The following NLRC5 variants were observed in gnomAD, a reference collection of about 807,000 sequenced individuals.
The protein encoded by NLRC5 is NLR family CARD domain containing 5.
In NLRC5, 114 loss-of-function variants were observed where a neutral mutation model predicts 206.9. The observed-to-expected ratio is 0.55, with a 90% CI of 0.47 to 0.64. The LOEUF (loss-of-function observed/expected upper bound fraction) is 0.64. NLRC5 is among the 30% of genes least tolerant of loss of function. NLRC5 has a pLI of 0.00. For synonymous variants in NLRC5, 952 were observed against 962.8 expected (o/e 0.99, Z 0.21); for missense variants, 2,008 against 2,305.5 (o/e 0.87, Z 2.64).
At chr16:57,046,452 C>A (rs2143964691) in intron 21 of NLRC5, 100 bp from the exon 22 acceptor site, 1 of 956,440 alleles carries the variant, frequency 1.0e-6, no homozygotes, top group Non-Finnish European at 1.6e-6. Flanking sequence ...GTGATCTGAA[C>A]TTTCCTTTCT....
intron 32 of NLRC5, chr16:57,062,610 G>T (rs139624147): frequency 6.4e-6 from 1 of 155,488 alleles, no homozygotes; most frequent in Non-Finnish European, 1.4e-5. Flanking sequence ...GAAACTGGAC[G>T]TTAGATCAAA....
chr16:56,993,349 G>T (rs2057198238), intron 1 of NLRC5, among the ~76,000 whole-genome samples: 1 of 151,594 alleles, frequency 6.6e-6, no homozygotes, highest in South Asian at 2.1e-4. Flanking sequence ...TTCACCGTAT[G>T]ACTGCTCTGT....
intron 46 of NLRC5, among the ~76,000 whole-genome samples, 157 bp downstream of exon 46, chr16:57,079,786 A>G (rs533330135): frequency 7.9e-5 from 12 of 152,192 alleles, no homozygotes; most frequent in Non-Finnish European, 1.3e-4. Context: ...TTACTCAGAC[A>G]TCCTCTCAAA....
intron 1 of NLRC5, among the ~76,000 whole-genome samples, chr16:56,998,131 A>G (rs2057840131): frequency 6.6e-6 from 1 of 151,140 alleles, no homozygotes; most frequent in Non-Finnish European, 1.5e-5. Context: ...AGCAGTTCAG[A>G]TGATCCAGTC....
chr16:57,013,317 A>C (rs1404920018), intron 1 of NLRC5: 1 of 594,448 alleles, frequency 1.7e-6, no homozygotes, highest in Non-Finnish European at 3.1e-6. Flanking sequence ...TGACGGTCAT[A>C]ATGACTAAAA....
At chr16:57,075,014 T>TC in intron 39 of NLRC5, among the ~76,000 whole-genome samples, 1 of 24,896 alleles carries the variant, frequency 4.0e-5, no homozygotes, top group Non-Finnish European at 7.7e-5. Context: ...GCTTTTTTTT[T>TC]TTTTTTTTTT....
rs1208424898 is a variant in NLRC5 at position 57,074,612 on chromosome 16, T to C, written c.4680T>C (p.Leu1560=). 6.2e-7 allele frequency: 1 copy of C among 1,613,948 alleles called. No homozygotes were observed. Among genetic ancestry groups the C allele is most frequent in the African/African-American group, 1.3e-5 (1 of 75,052 alleles). ...WMLKRLDLSH[L]LLNSSTLALL... ...TCCTCTTCTCCAGCCTCAGTCACCT[T>C]CTGCTGAACAGCTCCACCTTGGCCT... Residue 1560 remains leucine (L), a synonymous_variant, in exon 39 of 49, where the codon CTT becomes CTC. Coordinates refer to ENST00000688547, the MANE Select transcript of NLRC5 (RefSeq NM_001384950.1).
intron 1 of NLRC5, chr16:57,013,738 A>T (rs1206788254): frequency 1.2e-5 from 9 of 725,370 alleles, no homozygotes; most frequent in Non-Finnish European, 2.3e-5. Flanking sequence ...AGTCAACAAT[A>T]CGTTTACAAT....
chr16:57,025,456 C>A lies in NLRC5; in HGVS notation c.513C>A (p.Ala171=), dbSNP rs765005713. 1 of 1,610,862 alleles carries A rather than the reference C, an allele frequency of 6.2e-7. No homozygotes were observed. Among genetic ancestry groups the A allele is most frequent in the South Asian group, 1.1e-5 (1 of 90,614 alleles). Residue 171 remains alanine (A), a synonymous_variant, in exon 6 of 49, where the codon GCC becomes GCA. Coordinates refer to ENST00000688547, the MANE Select transcript of NLRC5 (RefSeq NM_001384950.1). ...SQIPGSGQPH[A]FHQVYVPPIL... ...TCCCTGGGTCAGGGCAGCCCCACGCCTTCCACCAGGTCTATGTCCCTCCAA... is the reference window on the plus strand; with the variant it reads ...TCCCTGGGTCAGGGCAGCCCCACGCATTCCACCAGGTCTATGTCCCTCCAA...
At chr16:57,062,663 T>TA (rs2066658049) in intron 32 of NLRC5, 1 of 153,680 alleles carries the variant, frequency 6.5e-6, no homozygotes, top group African/African-American at 2.4e-5. Flanking sequence ...CCAAAAAACT[T>TA]ACGTCACCGA....
intron 1 of NLRC5, among the ~76,000 whole-genome samples, chr16:57,000,019 T>C (rs1261299844): frequency 6.6e-6 from 1 of 152,124 alleles, no homozygotes; most frequent in Non-Finnish European, 1.5e-5. Flanking sequence ...GTGTGGCCCA[T>C]TGGGATTTTT....
chr16:57,026,889 C>A lies in NLRC5; in HGVS notation c.1946C>A (p.Thr649Asn). Residue 649 changes from threonine to asparagine, a missense_variant, in exon 6 of 49, where the codon ACC (threonine) becomes AAC (asparagine). Physicochemically the swap from Thr to Asn is moderately conservative, Grantham distance 65 (BLOSUM62 0). Coordinates refer to ENST00000688547, the MANE Select transcript of NLRC5 (RefSeq NM_001384950.1). Reference sequence around the variant, plus strand: ...TTCCACAATTTCCCACTGACCTGCACCGACCTGGCCACCCTGACCAACATC... The same window carrying A: ...TTCCACAATTTCCCACTGACCTGCAACGACCTGGCCACCCTGACCAACATC... ...LPFHNFPLTC[T>N]DLATLTNILE... The A allele has an allele frequency of 1.2e-6, 2 of 1,614,226 alleles. No individual in the cohort carries two copies. The highest frequency in any genetic ancestry group is 1.7e-6 in the Non-Finnish European group (2 of 1,180,044).
intron 27 of NLRC5, among the ~76,000 whole-genome samples, chr16:57,057,334 G>A (rs930160324): frequency 4.6e-5 from 7 of 152,232 alleles, no homozygotes; most frequent in African/African-American, 1.7e-4. Context: ...TGAGGCAGGA[G>A]AATCTCTTGA....
At chr16:57,029,889 G>T in intron 9 of NLRC5, 33 bp downstream of exon 9, 1 of 1,611,314 alleles carries the variant, frequency 6.2e-7, no homozygotes, top group Non-Finnish European at 8.5e-7. Flanking sequence ...CTGCAGCCCA[G>T]TCCCTCTCTA....
chr16:57,030,140 A>C, intron 10 of NLRC5, 56 bp downstream of exon 10: 1 of 1,432,626 alleles, frequency 7.0e-7, no homozygotes, highest in South Asian at 1.1e-5. Context: ...GAGGAGGGGA[A>C]AGTGGGATGG....
intron 35 of NLRC5, 71 bp from the exon 36 acceptor site, chr16:57,067,665 C>G: frequency 1.3e-6 from 2 of 1,491,878 alleles, no homozygotes; most frequent in South Asian, 2.3e-5. Flanking sequence ...CTTGGCACCC[C>G]CTTCTGGATG....
chr16:57,053,970 G>T (rs1487604522), intron 24 of NLRC5, among the ~76,000 whole-genome samples: 1 of 152,168 alleles, frequency 6.6e-6, no homozygotes, highest in Non-Finnish European at 1.5e-5. Context: ...TGGGATAGAA[G>T]TTGGTAGACT....
intron 6 of NLRC5, among the ~76,000 whole-genome samples, chr16:57,027,357 C>G (rs1019372424): frequency 6.6e-6 from 1 of 152,108 alleles, no homozygotes; most frequent in Non-Finnish European, 1.5e-5. Context: ...GTTCCTAAAA[C>G]GAATCTGTAA....
chr16:57,043,562 G>A lies in NLRC5; in HGVS notation c.3161G>A (p.Arg1054Gln), dbSNP rs377396638. 32 of 1,613,964 alleles carry A rather than the reference G, an allele frequency of 2.0e-5. No individual in the cohort carries two copies. Among genetic ancestry groups the A allele is most frequent in the South Asian group, 1.1e-4 (10 of 91,084 alleles). ...LSLDAVLGLV[R>Q]CFSTLQWLFR... ...CTGGATGCCGTGTTGGGTTTGGTTCGGTGCTTCTCCACTCTGCAGTGGCTC... is the reference window on the plus strand; with the variant it reads ...CTGGATGCCGTGTTGGGTTTGGTTCAGTGCTTCTCCACTCTGCAGTGGCTC... Residue 1054 changes from arginine to glutamine, a missense_variant, in exon 20 of 49, where the codon CGG (arginine) becomes CAG (glutamine). Transcript: ENST00000688547.
Sources: gnomAD v4.1 joint callset for allele counts (sites outside exome capture counted in the v4.1 genomes callset) on GRCh38, gnomAD v4.1.1 for gene constraint, MANE v1.5 for transcripts, NCBI Gene and HGNC (gene_info 2026-07-23, HGNC 2026-07-21) for gene names.